CLEC4E: variants seen among roughly 807,000 people sequenced by gnomAD.
CLEC4E encodes C-type lectin domain family 4 member E.
Under a neutral mutation model 24.7 loss-of-function variants are expected in CLEC4E, and 21 were observed. That is an observed-to-expected ratio of 0.85 (90% CI 0.60 to 1.22). The LOEUF is 1.22. CLEC4E is among the 50% of genes most tolerant of loss of function. The pLI is 0.00. For missense variants in CLEC4E, 249 were observed against 254.1 expected, an observed-to-expected ratio of 0.98 and a Z score of 0.14; for synonymous variants, 94 against 85.7, an observed-to-expected ratio of 1.10 and a Z score of -0.54.
intron 2 of CLEC4E, among the ~76,000 whole-genome samples, 193 bp from the exon 3 acceptor site, chr12:8,539,499 C>T (rs1260881742): frequency 1.3e-5 from 2 of 152,172 alleles, no homozygotes; most frequent in Admixed American, 6.5e-5. Flanking sequence ...TCTACCCTTC[C>T]TTCCAAAAGT....
In CLEC4E at chr12:8,539,913, C is replaced by T; in HGVS notation, c.72G>A (p.Trp24Ter). 6.2e-7 allele frequency: 1 copy of T among 1,611,752 alleles called. No individual in the cohort carries two copies. Among genetic ancestry groups the T allele is most frequent in the Non-Finnish European group, 8.5e-7 (1 of 1,177,914 alleles). The change falls in exon 2 of 6, where the codon TGG becomes TGA. Residue 24 changes from tryptophan to a stop codon, truncating the protein, a stop_gained. Coordinates refer to ENST00000299663, the MANE Select transcript of CLEC4E (RefSeq NM_014358.4). LOFTEE classifies it high-confidence loss of function. ...RGCFSSQMFL[W>*]TVAGIPILFL... The stretch of plus-strand genomic sequence containing the variant: ...ATAGGATGGGGATCCCAGCAACAGT[C>T]CATAAGAACATTTGGGAAGAGAAGC...
chr12:8,540,010 G>A (rs917253320), intron 1 of CLEC4E, 63 bp from the exon 2 acceptor site: 7 of 1,029,888 alleles, frequency 6.8e-6, no homozygotes, highest in African/African-American at 6.3e-5. Flanking sequence ...AGAGATAGAA[G>A]AGATTCTTAT....
At position 8,537,335 on chromosome 12, in the gene CLEC4E, C is replaced by A. The variant is rs1254388966; in HGVS notation, c.221-69G>T. 9 of 1,450,010 alleles carry A rather than the reference C, an allele frequency of 6.2e-6. No homozygotes were observed. In the South Asian group the frequency reaches 1.0e-4, roughly 17 times the overall value. 89.8% of individuals were successfully genotyped at this position (1,450,010 alleles called of 1,614,324 possible). ...TAAGAAAACCCAAAGCTTCATCTGG[C>A]CCCATGGAGTCCTCATTTAAGTCAG... On this transcript the variant is annotated intron_variant, in intron 3 of 5. Coordinates refer to ENST00000299663, the MANE Select transcript of CLEC4E (RefSeq NM_014358.4).
At chr12:8,540,667 A>T in intron 1 of CLEC4E, 94 bp downstream of exon 1, 1 of 1,116,628 alleles carries the variant, frequency 9.0e-7, no homozygotes, top group Admixed American at 1.9e-5. Context: ...TTTTAACTTC[A>T]GTGAATACTT....
rs1156327055 is a variant in CLEC4E at position 8,535,439 on chromosome 12, G to A, written c.489-630C>T. ...TAAAAATGCTATGCTCTATCAGGAA[G>A]AATACCTAATGGATGCTGGACTTAA... On this transcript the variant is annotated intron_variant, in intron 5 of 5. Transcript: ENST00000299663. 3.3e-5 allele frequency among the ~76,000 whole-genome samples: 5 copies of A among 152,284 alleles called. No homozygotes were observed. The East Asian group carries it at 7.7e-4, about 23-fold the overall frequency.
At chr12:8,539,777 G>A in intron 2 of CLEC4E, 78 bp downstream of exon 2, 4 of 896,182 alleles carry the variant, frequency 4.5e-6, no homozygotes, top group Non-Finnish European at 5.6e-6. Flanking sequence ...GGCAAAGAGA[G>A]TCTACAGGCA....
At chr12:8,540,559 C>G (rs1940685451) in intron 1 of CLEC4E, among the ~76,000 whole-genome samples, 1 of 152,146 alleles carries the variant, frequency 6.6e-6, no homozygotes, top group Non-Finnish European at 1.5e-5. Context: ...AGGGTGGAAA[C>G]TGATAGCTCT....
intron 3 of CLEC4E, among the ~76,000 whole-genome samples, chr12:8,538,327 G>A (rs765236574): frequency 1.1e-4 from 17 of 152,224 alleles, no homozygotes; most frequent in East Asian, 9.6e-4. Context: ...GTAAATTAGC[G>A]AAAGTACTAA....
chr12:8,539,143 T>A (rs1464025038), intron 3 of CLEC4E, 74 bp downstream of exon 3: 4 of 1,029,718 alleles, frequency 3.9e-6, no homozygotes, highest in Non-Finnish European at 4.5e-6. Context: ...ATATCTCACC[T>A]GTCCCAAAGT....
intron 1 of CLEC4E, 42 bp downstream of exon 1, chr12:8,540,719 A>G (rs1465509051): frequency 1.9e-6 from 3 of 1,561,060 alleles, no homozygotes; most frequent in Admixed American, 3.3e-5. Flanking sequence ...ACTTGTTCCA[A>G]AAAGAGATCT....
chr12:8,534,832 A>C lies in CLEC4E; in HGVS notation c.489-23T>G, dbSNP rs746789322. ...AAGCTGAAAAAGAATGACATAGGAG[A>C]CTTAAAATCCCAGCAAAAAGAGGTA... On this transcript the variant is annotated intron_variant, in intron 5 of 5. Transcript: ENST00000299663. 4.4e-6 allele frequency: 7 copies of C among 1,587,900 alleles called. No homozygotes were observed. The South Asian group carries it at 8.1e-5, about 18-fold the overall frequency.
At chr12:8,539,626 GA>G (rs1338667221) in intron 2 of CLEC4E, among the ~76,000 whole-genome samples, 1 of 151,968 alleles carries the variant, frequency 6.6e-6, no homozygotes, top group Non-Finnish European at 1.5e-5. Flanking sequence ...CCAAGGAAGT[GA>G]AAAATGTCTA....
chr12:8,534,480 A>G lies in CLEC4E; in HGVS notation c.*158T>C. ...AAATGCACTTCAGCCAGTAACATGA[A>G]TTATAACATTTAAAACTACTTATTT... On this transcript the variant is annotated 3_prime_UTR_variant, in exon 6 of 6. Coordinates refer to ENST00000299663, the MANE Select transcript of CLEC4E (RefSeq NM_014358.4). 1.9e-6 allele frequency: 1 copy of G among 531,944 alleles called. No individual in the cohort carries two copies. Among genetic ancestry groups the G allele is most frequent in the Non-Finnish European group, 3.3e-6 (1 of 305,978 alleles). 33.0% of individuals were successfully genotyped at this position (531,944 alleles called of 1,614,324 possible).
Position 8,539,893 on chromosome 12 carries a change from A to T in CLEC4E, c.92T>A (p.Ile31Asn). 2 of 1,612,830 alleles carry T rather than the reference A, an allele frequency of 1.2e-6. No individual in the cohort carries two copies. The highest frequency in any genetic ancestry group is 2.2e-5 in the South Asian group (2 of 91,068). ...GATGAAACAGGCACTGAGAAATAGG[A>T]TGGGGATCCCAGCAACAGTCCATAA... ...MFLWTVAGIP[I>N]LFLSACFITR... Residue 31 changes from isoleucine to asparagine, a missense_variant, in exon 2 of 6, where the codon ATC (isoleucine) becomes AAC (asparagine). Ile to Asn is a moderately radical substitution (Grantham distance 149). Transcript: ENST00000299663.
intron 3 of CLEC4E, chr12:8,538,955 A>T (rs960000068): frequency 2.4e-6 from 1 of 409,048 alleles, no homozygotes; most frequent in African/African-American, 2.0e-5. Context: ...ATGAAAAAAA[A>T]GGTACACTCC....
At chr12:8,534,845 G>A in intron 5 of CLEC4E, 36 bp from the exon 6 acceptor site, 1 of 1,561,554 alleles carries the variant, frequency 6.4e-7, no homozygotes, top group South Asian at 1.2e-5. Context: ...TAAAATCCCA[G>A]CAAAAAGAGG....
intron 1 of CLEC4E, 23 bp downstream of exon 1, chr12:8,540,738 A>G (rs1940689420): frequency 6.3e-7 from 1 of 1,597,496 alleles, no homozygotes; most frequent in Non-Finnish European, 8.6e-7. Context: ...CTATGGAAGG[A>G]AAGGAAGAGT....
chr12:8,537,007 G>T lies in CLEC4E; in HGVS notation c.372+108C>A, dbSNP rs1003592843. The stretch of plus-strand genomic sequence containing the variant: ...AATAGTAAGAACAGCATGCATTTTA[G>T]TACATTCATTAACAATAGTCATTGG... On this transcript the variant is annotated intron_variant, in intron 4 of 5. Coordinates refer to ENST00000299663, the MANE Select transcript of CLEC4E (RefSeq NM_014358.4). 4 of 968,692 alleles carry T rather than the reference G, an allele frequency of 4.1e-6. No individual in the cohort carries two copies. In the African/African-American group the frequency reaches 5.0e-5, roughly 12 times the overall value. 60.0% of individuals were successfully genotyped at this position (968,692 alleles called of 1,614,324 possible).
At chr12:8,539,401 A>G (rs983776610) in intron 2 of CLEC4E, 95 bp from the exon 3 acceptor site, 11 of 784,614 alleles carry the variant, frequency 1.4e-5, no homozygotes, top group Non-Finnish European at 2.3e-5. Flanking sequence ...GCCAATAATT[A>G]TCATGTTTTT....
Sources: gnomAD v4.1 joint callset for allele counts (sites outside exome capture counted in the v4.1 genomes callset) on GRCh38, gnomAD v4.1.1 for gene constraint, MANE v1.5 for transcripts, NCBI Gene and HGNC (gene_info 2026-07-23, HGNC 2026-07-21) for gene names.